Variants in ASTN2 observed in about 807,000 individuals in gnomAD.
ASTN2 encodes the protein astrotactin-2.
In ASTN2, 54 loss-of-function variants were observed where a neutral mutation model predicts 139.8. The observed-to-expected ratio is 0.39, with a 90% confidence interval of 0.31 to 0.48. ASTN2 has a LOEUF of 0.48. Ranked by LOEUF, ASTN2 falls within the 20% of genes least tolerant of loss-of-function variation. The pLI is 0.95. For synonymous variants in ASTN2, 756 were observed against 719.5 expected, an observed-to-expected ratio of 1.05 and a Z score of -0.81; for missense variants, 1,565 against 1,725.1, an observed-to-expected ratio of 0.91 and a Z score of 1.64.
At position 116,906,451 on chromosome 9, in the gene ASTN2, G is replaced by GC. The variant is rs67045721; in HGVS notation, c.1890-42719dup. ...ATGGGAGTGGGGAACTGAGATTCCA[G>GC]CCCCCCCAGACACTTTTGTCTTTCC... On this transcript the variant is annotated intron_variant, in intron 10 of 22. Transcript: ENST00000313400. Among the ~76,000 whole-genome samples, 11 of 152,042 alleles carry GC rather than the reference G, an allele frequency of 7.2e-5. No individual in the cohort carries two copies. The East Asian group carries it at 1.9e-3, about 27-fold the overall frequency.
At chr9:116,800,693 G>A (rs938981969) in intron 13 of ASTN2, among the ~76,000 whole-genome samples, 5 of 152,184 alleles carry the variant, frequency 3.3e-5, no homozygotes, top group African/African-American at 1.2e-4. Context: ...CAAGAAACCA[G>A]GGAGCACTGG....
chr9:117,388,301 A>G (rs1486951416), intron 1 of ASTN2, among the ~76,000 whole-genome samples: 1 of 152,188 alleles, frequency 6.6e-6, no homozygotes, highest in Non-Finnish European at 1.5e-5. Context: ...TATATCCCAG[A>G]CGGAACATCA....
At chr9:116,860,159 C>T (rs10491574) in intron 11 of ASTN2, among the ~76,000 whole-genome samples, 23,992 of 152,068 alleles carry the variant, frequency 0.16, 2,297 homozygotes, top group East Asian at 0.45. Context: ...CTTACAGGTA[C>T]ATTGGCCCTT....
intron 13 of ASTN2, among the ~76,000 whole-genome samples, chr9:116,798,348 C>A (rs904693576): frequency 3.2e-4 from 48 of 152,150 alleles, no homozygotes; most frequent in African/African-American, 1.1e-3. Flanking sequence ...TTTTGTGGTT[C>A]TTCAGTAACT....
chr9:117,291,759 G>A (rs989827235), intron 1 of ASTN2, among the ~76,000 whole-genome samples: 3 of 152,206 alleles, frequency 2.0e-5, no homozygotes, highest in African/African-American at 4.8e-5. Context: ...GTCTGAGGCC[G>A]TTTTTAGTAC....
intron 19 of ASTN2, among the ~76,000 whole-genome samples, chr9:116,565,387 CCATATATATATATATATATA>C (rs1457249362): frequency 0.054 from 2,263 of 42,126 alleles, 148 homozygotes; most frequent in Admixed American, 0.081. Flanking sequence ...CTCTCTCTCT[CCATATATATATATATATATA>C]TATATATATA....
chr9:116,754,872 G>A (rs945155442), intron 13 of ASTN2, among the ~76,000 whole-genome samples: 1 of 152,174 alleles, frequency 6.6e-6, no homozygotes, highest in African/African-American at 2.4e-5. Context: ...CAAGATTATT[G>A]TAGGAGAAAT....
intron 5 of ASTN2, among the ~76,000 whole-genome samples, chr9:117,040,726 T>A (rs1294658580): frequency 6.6e-6 from 1 of 152,228 alleles, no homozygotes; most frequent in Non-Finnish European, 1.5e-5. Flanking sequence ...CCCAAAGTGC[T>A]GGGATTACAG....
At chr9:117,237,487 GTTC>G (rs1385158968) in intron 2 of ASTN2, among the ~76,000 whole-genome samples, 1 of 152,044 alleles carries the variant, frequency 6.6e-6, no homozygotes, top group Non-Finnish European at 1.5e-5. Context: ...TGGAGGCTGA[GTTC>G]TTCTTTTGAG....
chr9:116,441,005 C>T (rs1217320164), intron 21 of ASTN2, among the ~76,000 whole-genome samples: 1 of 152,092 alleles, frequency 6.6e-6, no homozygotes, highest in Non-Finnish European at 1.5e-5. Flanking sequence ...TCTGGAGGTG[C>T]ATTGGGAGAG....
intron 16 of ASTN2, among the ~76,000 whole-genome samples, chr9:116,717,468 C>G (rs550008563): frequency 5.3e-5 from 8 of 152,126 alleles, no homozygotes; most frequent in Non-Finnish European, 1.2e-4. Flanking sequence ...TTAACCTCCT[C>G]CAGTCTCTCT....
chr9:116,558,079 A>G (rs1272355632), intron 19 of ASTN2, among the ~76,000 whole-genome samples: 1 of 152,208 alleles, frequency 6.6e-6, no homozygotes, highest in Non-Finnish European at 1.5e-5. Flanking sequence ...ACTATGGACC[A>G]TATCCTATAT....
chr9:117,170,026 G>A (rs1459323672), intron 3 of ASTN2, among the ~76,000 whole-genome samples: 4 of 152,052 alleles, frequency 2.6e-5, no homozygotes, highest in African/African-American at 4.8e-5. Context: ...TCATGAGCAT[G>A]GTCATCTCTT....
At chr9:116,831,712 T>G (rs909975085) in intron 11 of ASTN2, among the ~76,000 whole-genome samples, 2 of 152,210 alleles carry the variant, frequency 1.3e-5, no homozygotes, top group African/African-American at 4.8e-5. Context: ...CTTCTTCCAC[T>G]TTAGCCTTCT....
In ASTN2 at chr9:117,310,290, G is replaced by A. The variant is rs138987993; in HGVS notation, c.443-18777C>T. The stretch of plus-strand genomic sequence containing the variant: ...GGGTGGAAGGCTTACTTTCTCTCTC[G>A]CACTAAGAGAAGATCTTGGAGGCAT... On this transcript the variant is annotated intron_variant, in intron 1 of 22. Coordinates refer to ENST00000313400, the MANE Select transcript of ASTN2 (RefSeq NM_001365068.1). Among the ~76,000 whole-genome samples, 78 of 152,120 alleles carry A rather than the reference G, an allele frequency of 5.1e-4. No homozygotes were observed. The East Asian group carries it at 6.2e-3, about 12-fold the overall frequency.
At chr9:116,873,036 T>C (rs560245801) in intron 10 of ASTN2, among the ~76,000 whole-genome samples, 4 of 152,184 alleles carry the variant, frequency 2.6e-5, no homozygotes, top group Non-Finnish European at 5.9e-5. Context: ...CATAGATGAA[T>C]AGTTTACACA....
At chr9:116,871,938 C>G (rs12238584) in intron 10 of ASTN2, among the ~76,000 whole-genome samples, 11,111 of 152,200 alleles carry the variant, frequency 0.073, 600 homozygotes, top group East Asian at 0.26. Context: ...GAGGAGGAAT[C>G]CCAGCTTCAC....
At chr9:116,948,785 GTTTTTTTTTTTTTT>G (rs58832163) in intron 10 of ASTN2, among the ~76,000 whole-genome samples, 1 of 49,472 alleles carries the variant, frequency 2.0e-5, no homozygotes, top group Admixed American at 3.8e-4. Context: ...ATAATTTGGT[GTTTTTTTTTTTTTT>G]TTTTTTTTTT....
intron 1 of ASTN2, among the ~76,000 whole-genome samples, chr9:117,411,764 A>C (rs536396154): frequency 6.6e-6 from 1 of 152,250 alleles, no homozygotes; most frequent in Non-Finnish European, 1.5e-5. Flanking sequence ...ACTCCCCACT[A>C]TTGGCAGAGT....
Sources: allele counts gnomAD v4.1 joint callset (sites outside exome capture counted in the v4.1 genomes callset), GRCh38; gene constraint gnomAD v4.1.1; transcripts MANE v1.5; gene names NCBI Gene and HGNC (gene_info 2026-07-23, HGNC 2026-07-21).